THSD7A: variants seen among roughly 807,000 people sequenced by gnomAD.
THSD7A encodes thrombospondin type-1 domain-containing protein 7A.
A neutral mutation model predicts 231.3 loss-of-function variants in THSD7A; 96 were observed. The observed-to-expected ratio is 0.41, with a 90% confidence interval of 0.35 to 0.49. The LOEUF (loss-of-function observed/expected upper bound fraction) is 0.49. THSD7A is among the 20% of genes least tolerant of loss of function. THSD7A has a pLI of 0.05. For missense variants in THSD7A, 2,290 were observed against 2,070.2 expected (o/e 1.11, Z -2.06); for synonymous variants, 940 against 743.3 (o/e 1.26, Z -4.30).
intron 1 of THSD7A, among the ~76,000 whole-genome samples, chr7:11,763,416 A>G (rs1025572622): frequency 1.3e-5 from 2 of 152,214 alleles, no homozygotes; most frequent in African/African-American, 4.8e-5. Flanking sequence ...ACATACATCA[A>G]AATAGTTTTA....
intron 4 of THSD7A, among the ~76,000 whole-genome samples, chr7:11,583,452 T>A (rs1391750115): frequency 6.6e-6 from 1 of 152,056 alleles, no homozygotes; most frequent in African/African-American, 2.4e-5. Flanking sequence ...GTTTTTATAT[T>A]TTTTTGGTAG....
At chr7:11,763,274 T>C (rs1359800684) in intron 1 of THSD7A, among the ~76,000 whole-genome samples, 1 of 152,190 alleles carries the variant, frequency 6.6e-6, no homozygotes, top group East Asian at 1.9e-4. Context: ...ATGCCTTCTG[T>C]CATCTCTGTC....
intron 2 of THSD7A, among the ~76,000 whole-genome samples, chr7:11,620,968 G>A (rs577506754): frequency 3.3e-5 from 5 of 152,170 alleles, no homozygotes; most frequent in South Asian, 2.1e-4. Flanking sequence ...TGGCTCCCTC[G>A]GCTCTAGACT....
At position 11,474,781 on chromosome 7, in the gene THSD7A, G is replaced by C. The variant is rs569842484; in HGVS notation, c.2018-213C>G. On this transcript the variant is annotated intron_variant, in intron 7 of 27. Coordinates refer to ENST00000423059, the MANE Select transcript of THSD7A (RefSeq NM_015204.3). This position sits in a 1 kb window ranked among gnomAD's most constrained non-coding sequence, Gnocchi z 4.1. ...CTGCTACACTCAAGGATCTCATAAT[G>C]TAGTAGGGAAAAGTAGTAGGGGAGA... 6.6e-6 allele frequency among the ~76,000 whole-genome samples: 1 copy of C among 152,168 alleles called. No homozygotes were observed. The highest frequency in any genetic ancestry group is 1.5e-5 in the Non-Finnish European group (1 of 68,028).
chr7:11,583,977 C>A (rs1316424442), intron 4 of THSD7A, among the ~76,000 whole-genome samples: 1 of 152,320 alleles, frequency 6.6e-6, no homozygotes, highest in African/African-American at 2.4e-5. Flanking sequence ...TCTCCCTCTA[C>A]AGGTAAGTTG....
At chr7:11,824,925 T>C (rs1275933756) in intron 1 of THSD7A, among the ~76,000 whole-genome samples, 1 of 152,152 alleles carries the variant, frequency 6.6e-6, no homozygotes, top group Non-Finnish European at 1.5e-5. Context: ...AAATGAAGTA[T>C]AAAAAGTTCT....
At chr7:11,732,532 A>T (rs1161208078) in intron 1 of THSD7A, among the ~76,000 whole-genome samples, 1 of 151,832 alleles carries the variant, frequency 6.6e-6, no homozygotes, top group African/African-American at 2.4e-5. Flanking sequence ...TTTAGAATGA[A>T]TTGTATTTTA....
At chr7:11,426,377 T>C (rs1376167227) in intron 15 of THSD7A, among the ~76,000 whole-genome samples, 2 of 152,162 alleles carry the variant, frequency 1.3e-5, no homozygotes, top group African/African-American at 4.8e-5. Context: ...CCATTAATAA[T>C]GGGTGTCACT....
chr7:11,720,290 G>C lies in THSD7A; in HGVS notation c.191-83329C>G, dbSNP rs571391037. 4.0e-5 allele frequency among the ~76,000 whole-genome samples: 6 copies of C among 151,786 alleles called. No homozygotes were observed. In the East Asian group the frequency reaches 1.2e-3, roughly 30 times the overall value. Reference sequence around the variant, plus strand: ...CTAGCTTCATCTCACAACACAAAAAGTAAATAGAACCCATCAGATGGGAAT... The same window carrying C: ...CTAGCTTCATCTCACAACACAAAAACTAAATAGAACCCATCAGATGGGAAT... On this transcript the variant is annotated intron_variant, in intron 1 of 27. Coordinates refer to ENST00000423059, the MANE Select transcript of THSD7A (RefSeq NM_015204.3).
intron 1 of THSD7A, among the ~76,000 whole-genome samples, chr7:11,769,149 A>ATTTTTTTTTT (rs1245740094): frequency 2.8e-5 from 1 of 36,308 alleles, no homozygotes; most frequent in African/African-American, 8.1e-5. Flanking sequence ...ATATATATAT[A>ATTTTTTTTTT]TATATTTTTT....
At chr7:11,570,165 T>G (rs1391488900) in intron 4 of THSD7A, among the ~76,000 whole-genome samples, 2 of 150,596 alleles carry the variant, frequency 1.3e-5, no homozygotes, top group African/African-American at 2.4e-5. Context: ...AGCAAGATCT[T>G]GAAAAAAGAA....
Position 11,636,680 on chromosome 7 carries a change from T to C in THSD7A, c.472A>G (p.Ile158Val). The C allele has an allele frequency of 6.2e-7, 1 of 1,613,994 alleles. No individual in the cohort carries two copies. The highest frequency in any genetic ancestry group is 8.5e-7 in the Non-Finnish European group (1 of 1,179,886). Residue 158 changes from isoleucine (I) to valine (V), a missense_variant, in exon 2 of 28, where the codon ATA becomes GTA. Transcript: ENST00000423059. This position sits in a 1 kb window ranked among gnomAD's most constrained non-coding sequence, Gnocchi z 10.0. The stretch of plus-strand genomic sequence containing the variant: ...TCTTTGTCTTTCTGGATGCACGCTA[T>C]CTCCCTCACCTGAATACCTTCTTCC... The part of the protein sequence containing the change: ...KGEEGIQVRE[I>V]ACIQKDKDIP...
At chr7:11,381,693 C>T (rs532251209) in intron 24 of THSD7A, among the ~76,000 whole-genome samples, 6 of 152,208 alleles carry the variant, frequency 3.9e-5, no homozygotes, top group Admixed American at 2.6e-4. Flanking sequence ...AAAGAAATTG[C>T]TTATGGAAAG....
chr7:11,749,963 G>A (rs963690345), intron 1 of THSD7A, among the ~76,000 whole-genome samples: 1 of 151,788 alleles, frequency 6.6e-6, no homozygotes, highest in Non-Finnish European at 1.5e-5. Flanking sequence ...CTGTAGTAGT[G>A]GCAGTTGTTA....
intron 6 of THSD7A, among the ~76,000 whole-genome samples, chr7:11,497,674 G>A (rs1230463607): frequency 2.6e-5 from 4 of 152,130 alleles, no homozygotes; most frequent in African/African-American, 4.8e-5. Context: ...CAAGATAGCC[G>A]ACTAGAAGCA....
At chr7:11,402,455 G>C (rs1332244327) in intron 22 of THSD7A, among the ~76,000 whole-genome samples, 1 of 152,194 alleles carries the variant, frequency 6.6e-6, no homozygotes, top group Non-Finnish European at 1.5e-5. Flanking sequence ...TCCCAGATGA[G>C]TGGAGGTGAG....
chr7:11,718,899 T>C (rs540895551), intron 1 of THSD7A, among the ~76,000 whole-genome samples: 12 of 151,504 alleles, frequency 7.9e-5, no homozygotes, highest in Non-Finnish European at 1.6e-4. Context: ...AAACATATTA[T>C]GGATACTGTT....
chr7:11,387,285 C>A (rs1465119100), intron 23 of THSD7A, among the ~76,000 whole-genome samples: 1 of 152,114 alleles, frequency 6.6e-6, no homozygotes, highest in Admixed American at 6.6e-5. Flanking sequence ...AGCACTGAAT[C>A]TGTAAATTAC....
chr7:11,547,624 AAAAAAT>A (rs1161664201), intron 4 of THSD7A, among the ~76,000 whole-genome samples: 1 of 152,154 alleles, frequency 6.6e-6, no homozygotes, highest in Non-Finnish European at 1.5e-5. Context: ...AACAAATTCA[AAAAAAT>A]AAAAATAAAA....
Sources: gnomAD v4.1 joint callset for allele counts (sites outside exome capture counted in the v4.1 genomes callset) on GRCh38, gnomAD v4.1.1 for gene constraint, Gnocchi (gnomAD v3.1) non-coding constraint, MANE v1.5 for transcripts, NCBI Gene and HGNC (gene_info 2026-07-23, HGNC 2026-07-21) for gene names.